The following KLHL29 variants were observed in gnomAD, a reference collection of about 807,000 sequenced individuals.
KLHL29 encodes the protein kelch like family member 29, also known as kelch-like protein 29.
A neutral mutation model predicts 80.4 loss-of-function variants in KLHL29; 21 were observed. The observed-to-expected ratio is 0.26, with a 90% CI of 0.19 to 0.38. The LOEUF (loss-of-function observed/expected upper bound fraction) is 0.38. Among genes scored for constraint, KLHL29 ranks in the 10% least tolerant of loss-of-function variants. The pLI is 1.00. For synonymous variants in KLHL29, 511 were observed against 526.8 expected (o/e 0.97, Z 0.41); for missense variants, 867 against 1,223.9 (o/e 0.71, Z 4.35).
rs1286481566 is a variant in KLHL29 at position 23,470,871 on chromosome 2, CCTT to C, written c.-153-4686_-153-4684del. ...AACTGTCGTGAACCTGATGGATAAACCTTCTGAGAATGTTTATTTTTGTGTTGG... is the reference window on the plus strand; with the variant it reads ...AACTGTCGTGAACCTGATGGATAAACCTGAGAATGTTTATTTTTGTGTTGG... On this transcript the variant is annotated intron_variant, in intron 1 of 13. Transcript: ENST00000486442. 2.6e-5 allele frequency among the ~76,000 whole-genome samples: 4 copies of C among 152,220 alleles called. No individual in the cohort carries two copies. In the East Asian group the frequency reaches 7.7e-4, roughly 29 times the overall value.
At chr2:23,556,125 G>C (rs996056980) in intron 2 of KLHL29, among the ~76,000 whole-genome samples, 6 of 152,170 alleles carry the variant, frequency 3.9e-5, no homozygotes, top group Admixed American at 2.6e-4. Flanking sequence ...TCCCCTCTCT[G>C]CTCCCTGGAG....
intron 5 of KLHL29, among the ~76,000 whole-genome samples, chr2:23,662,443 G>C (rs1670437951): frequency 6.6e-6 from 1 of 152,174 alleles, no homozygotes; most frequent in Non-Finnish European, 1.5e-5. Flanking sequence ...TAGATGGTGG[G>C]GGCTTTGGCC....
chr2:23,661,576 G>A (rs1670409754), intron 5 of KLHL29, among the ~76,000 whole-genome samples: 1 of 152,240 alleles, frequency 6.6e-6, no homozygotes, highest in South Asian at 2.1e-4. Context: ...GGGAACAAGA[G>A]TATGTAATCC....
chr2:23,661,055 G>C (rs1007467084), intron 5 of KLHL29, among the ~76,000 whole-genome samples: 9 of 145,956 alleles, frequency 6.2e-5, no homozygotes, highest in African/African-American at 2.3e-4. Context: ...GAGAGAGAGA[G>C]AGAAGCCAGG....
chr2:23,629,054 G>A (rs934067940), intron 3 of KLHL29, among the ~76,000 whole-genome samples: 6 of 152,236 alleles, frequency 3.9e-5, no homozygotes, highest in South Asian at 2.1e-4. Flanking sequence ...CACCAATGCC[G>A]CGGTGACCAG....
At chr2:23,656,932 GAAAA>G (rs58320389) in intron 5 of KLHL29, among the ~76,000 whole-genome samples, 3 of 110,098 alleles carry the variant, frequency 2.7e-5, no homozygotes, top group Admixed American at 9.6e-5. Flanking sequence ...TCCCCAACAG[GAAAA>G]AAAAAAAAAA....
chr2:23,702,355 C>T (rs1339956474), intron 11 of KLHL29, among the ~76,000 whole-genome samples: 1 of 152,192 alleles, frequency 6.6e-6, no homozygotes, highest in Non-Finnish European at 1.5e-5. Context: ...TAACACAAAG[C>T]CTATTTTATA....
intron 3 of KLHL29, among the ~76,000 whole-genome samples, chr2:23,635,308 C>G (rs1409361244): frequency 6.6e-6 from 1 of 152,170 alleles, no homozygotes; most frequent in Non-Finnish European, 1.5e-5. Context: ...TGCCAGGAAT[C>G]TTTCATTGCA....
chr2:23,609,077 C>A (rs1668795777), intron 3 of KLHL29, among the ~76,000 whole-genome samples: 1 of 152,156 alleles, frequency 6.6e-6, no homozygotes, highest in African/African-American at 2.4e-5. Flanking sequence ...ATTCTATCAA[C>A]CTGTTCCCCT....
At chr2:23,415,846 GCAC>G (rs1025012987) in intron 1 of KLHL29, among the ~76,000 whole-genome samples, 10 of 151,986 alleles carry the variant, frequency 6.6e-5, no homozygotes, top group African/African-American at 2.4e-4. Context: ...CCACAGGTGT[GCAC>G]CACCACACCC....
At chr2:23,505,250 G>A (rs1361904476) in intron 2 of KLHL29, among the ~76,000 whole-genome samples, 1 of 152,206 alleles carries the variant, frequency 6.6e-6, no homozygotes, top group African/African-American at 2.4e-5. Context: ...CTGTGATGCA[G>A]GGTGTCAGAG....
intron 1 of KLHL29, among the ~76,000 whole-genome samples, chr2:23,453,003 T>C (rs1663932994): frequency 6.6e-6 from 1 of 152,096 alleles, no homozygotes; most frequent in South Asian, 2.1e-4. Flanking sequence ...TGTGTGTTTT[T>C]ATGTCTTTTC....
At chr2:23,606,544 T>C (rs1366421035) in intron 3 of KLHL29, among the ~76,000 whole-genome samples, 1 of 152,220 alleles carries the variant, frequency 6.6e-6, no homozygotes, top group African/African-American at 2.4e-5. Flanking sequence ...GATTTAACAA[T>C]TAAAGGATCA....
intron 2 of KLHL29, among the ~76,000 whole-genome samples, chr2:23,487,907 G>T (rs532272977): frequency 6.6e-6 from 1 of 152,324 alleles, no homozygotes; most frequent in Admixed American, 6.5e-5. Flanking sequence ...TGGGCCGTGT[G>T]GTGGGAGAAG....
At chr2:23,455,005 G>GA (rs544340012) in intron 1 of KLHL29, among the ~76,000 whole-genome samples, 8 of 138,082 alleles carry the variant, frequency 5.8e-5, no homozygotes, top group South Asian at 2.2e-4. Flanking sequence ...GTGGGTTGGG[G>GA]GGGGGGCATT....
intron 1 of KLHL29, among the ~76,000 whole-genome samples, chr2:23,404,919 C>T (rs1054135060): frequency 2.6e-5 from 4 of 152,162 alleles, no homozygotes; most frequent in Admixed American, 1.3e-4. Flanking sequence ...TTTAAGACAC[C>T]TTCTCTAGGT....
At chr2:23,604,902 G>C (rs2103525752) in intron 3 of KLHL29, among the ~76,000 whole-genome samples, 1 of 152,292 alleles carries the variant, frequency 6.6e-6, no homozygotes, top group African/African-American at 2.4e-5. Context: ...CAGGGAAGCA[G>C]TTGTCCCCTC....
At chr2:23,464,306 C>G (rs1460057089) in intron 1 of KLHL29, among the ~76,000 whole-genome samples, 1 of 152,198 alleles carries the variant, frequency 6.6e-6, no homozygotes, top group Non-Finnish European at 1.5e-5. Context: ...CCCCCAGAGC[C>G]CTTGCTGACC....
intron 1 of KLHL29, among the ~76,000 whole-genome samples, chr2:23,421,891 GTGTC>G (rs1263076021): frequency 6.6e-6 from 1 of 151,914 alleles, no homozygotes; most frequent in Non-Finnish European, 1.5e-5. Flanking sequence ...GTGTATCTGT[GTGTC>G]TGTGTTTGTG....
Sources: allele counts gnomAD v4.1 joint callset (sites outside exome capture counted in the v4.1 genomes callset), GRCh38; gene constraint gnomAD v4.1.1; transcripts MANE v1.5; gene names NCBI Gene and HGNC (gene_info 2026-07-23, HGNC 2026-07-21).